NF1: variants seen among roughly 807,000 people sequenced by gnomAD.
NF1 encodes neurofibromin 1.
NF1 carries 122 observed loss-of-function variants against 325.7 expected under a neutral mutation model. The ratio of observed to expected loss-of-function variants is 0.37; its 90% CI spans 0.32 to 0.44. The LOEUF is 0.44. Ranked by LOEUF, NF1 falls within the 20% of genes least tolerant of loss-of-function variation. The probability of loss-of-function intolerance (pLI) is 1.00; values close to 1 mark genes in which losing one functional copy is unlikely to be tolerated. For synonymous variants in NF1, 1,091 were observed against 1,186.0 expected, an observed-to-expected ratio of 0.92 and a Z score of 1.65; for missense variants, 2,140 against 3,415.4, an observed-to-expected ratio of 0.63 and a Z score of 9.31.
At chr17:31,124,592 AT>A (rs35335433) in intron 1 of NF1, among the ~76,000 whole-genome samples, 2,547 of 62,934 alleles carry the variant, frequency 0.04, 25 homozygotes, top group African/African-American at 0.11. Flanking sequence ...GTATTCTTGA[AT>A]TTTTTTTTTT....
intron 35 of NF1, among the ~76,000 whole-genome samples, chr17:31,264,234 A>G (rs1236810954): frequency 6.6e-6 from 1 of 152,116 alleles, no homozygotes; most frequent in African/African-American, 2.4e-5. Context: ...CCCCATCTCT[A>G]CTAAATAAAT....
At chr17:31,127,844 T>G (rs1005966143) in intron 1 of NF1, among the ~76,000 whole-genome samples, 3 of 152,204 alleles carry the variant, frequency 2.0e-5, no homozygotes, top group Non-Finnish European at 4.4e-5. Flanking sequence ...TCTTTTTTTT[T>G]CTCTGTGCAT....
chr17:31,345,740 G>A (rs1306361936), intron 48 of NF1: 5 of 1,518,378 alleles, frequency 3.3e-6, no homozygotes, highest in Non-Finnish European at 4.6e-6. Context: ...GCCTAATGAT[G>A]TCCGAGTTGG....
chr17:31,127,778 C>T (rs1473862028), intron 1 of NF1, among the ~76,000 whole-genome samples: 2 of 151,802 alleles, frequency 1.3e-5, no homozygotes, highest in African/African-American at 2.4e-5. Context: ...TTGGGGTTAT[C>T]TATGTAGACA....
At position 31,358,589 on chromosome 17, in the gene NF1, T is replaced by C. The variant is rs876658554; in HGVS notation, c.8080T>C (p.Ser2694Pro). Residue 2694 changes from serine (S) to proline (P), a missense_variant, in exon 55 of 58, where the codon TCC becomes CCC. Transcript: ENST00000358273. ...GCAGAGTGTGGTGTACCATGAAGAATCCCCACCACAATACCAAACATCTTA... is the reference window on the plus strand; with the variant it reads ...GCAGAGTGTGGTGTACCATGAAGAACCCCCACCACAATACCAAACATCTTA... ...IVQSVVYHEE[S>P]PPQYQTSYLQ... 6.2e-7 allele frequency: 1 copy of C among 1,613,840 alleles called. No individual in the cohort carries two copies. The highest frequency in any genetic ancestry group is 8.5e-7 in the Non-Finnish European group (1 of 1,179,886).
intron 36 of NF1, chr17:31,304,292 G>A (rs779884010): frequency 6.2e-7 from 1 of 1,612,510 alleles, no homozygotes; most frequent in Non-Finnish European, 8.5e-7. Flanking sequence ...GGAGGTGGCA[G>A]GGATTCATTA....
chr17:31,139,882 C>T (rs1160192313), intron 1 of NF1, among the ~76,000 whole-genome samples: 1 of 152,164 alleles, frequency 6.6e-6, no homozygotes, highest in Non-Finnish European at 1.5e-5. Flanking sequence ...TGGGTCTCTT[C>T]CTCTGAGATC....
At chr17:31,188,650 G>T (rs1437075956) in intron 8 of NF1, among the ~76,000 whole-genome samples, 1 of 152,118 alleles carries the variant, frequency 6.6e-6, no homozygotes, top group Non-Finnish European at 1.5e-5. Flanking sequence ...TGCCTGTGAG[G>T]GTGTTGCCAA....
chr17:31,097,297 A>G (rs556457717), intron 1 of NF1, among the ~76,000 whole-genome samples: 1 of 152,096 alleles, frequency 6.6e-6, no homozygotes, highest in Non-Finnish European at 1.5e-5. Flanking sequence ...GTCTCTACTA[A>G]AAATACAAAA....
chr17:31,159,149 C>T, intron 3 of NF1, 56 bp downstream of exon 3: 1 of 1,187,602 alleles, frequency 8.4e-7, no homozygotes. Flanking sequence ...TGAGAATGAT[C>T]TTATGTCCCA....
intron 56 of NF1, chr17:31,359,495 CT>C (rs2070351930): frequency 5.4e-6 from 1 of 184,698 alleles, no homozygotes; most frequent in South Asian, 1.1e-4. Flanking sequence ...GAGTCTCACT[CT>C]GTCTCCAGGC....
intron 1 of NF1, among the ~76,000 whole-genome samples, chr17:31,147,249 A>G (rs147150244): frequency 6.6e-6 from 1 of 152,318 alleles, no homozygotes; most frequent in African/African-American, 2.4e-5. Context: ...ACTGTTTTCC[A>G]GGGATCTATC....
intron 1 of NF1, among the ~76,000 whole-genome samples, chr17:31,124,624 G>C (rs1289443126): frequency 8.0e-6 from 1 of 125,458 alleles, no homozygotes; most frequent in Non-Finnish European, 1.7e-5. Context: ...TTTGAGACAG[G>C]GTCTCACTCT....
intron 16 of NF1, among the ~76,000 whole-genome samples, chr17:31,224,254 CTTAA>C (rs1293933283): frequency 6.6e-6 from 1 of 152,008 alleles, no homozygotes; most frequent in East Asian, 1.9e-4. Context: ...AGAGAAGAGC[CTTAA>C]ATTTCTTTTA....
chr17:31,277,764 C>A (rs2068036006), intron 36 of NF1, among the ~76,000 whole-genome samples: 2 of 152,190 alleles, frequency 1.3e-5, no homozygotes, highest in African/African-American at 4.8e-5. Context: ...TTGGGTGACC[C>A]TCTCCACACA....
chr17:31,122,440 T>G (rs1262644430), intron 1 of NF1, among the ~76,000 whole-genome samples: 3 of 152,246 alleles, frequency 2.0e-5, no homozygotes, highest in Non-Finnish European at 4.4e-5. Flanking sequence ...AAAGTTGTTT[T>G]GAAGTTATTT....
chr17:31,255,338 A>G (rs2067564744), intron 31 of NF1, among the ~76,000 whole-genome samples: 1 of 152,132 alleles, frequency 6.6e-6, no homozygotes, highest in Non-Finnish European at 1.5e-5. Flanking sequence ...GATCCAAATT[A>G]GATTTTTATG....
At chr17:31,358,453 C>A (rs1215309470) in intron 54 of NF1, 27 bp from the exon 55 acceptor site, 1 of 1,606,456 alleles carries the variant, frequency 6.2e-7, no homozygotes, top group Admixed American at 1.7e-5. Flanking sequence ...CTAAAATGTT[C>A]CTCTGTTGAC....
intron 30 of NF1, chr17:31,249,896 G>A (rs1475285469): frequency 6.3e-6 from 3 of 477,166 alleles, no homozygotes; most frequent in Non-Finnish European, 1.3e-5. Context: ...GGATAGGGGT[G>A]GATATAAGGG....
Sources: gnomAD v4.1 joint callset for allele counts (sites outside exome capture counted in the v4.1 genomes callset) on GRCh38, gnomAD v4.1.1 for gene constraint, MANE v1.5 for transcripts, NCBI Gene and HGNC (gene_info 2026-07-23, HGNC 2026-07-21) for gene names.